R3HCC1L: variants seen among roughly 807,000 people sequenced by gnomAD.
The protein encoded by R3HCC1L is coiled-coil domain-containing protein R3HCC1L.
Under a neutral mutation model 59.9 loss-of-function variants are expected in R3HCC1L, and 51 were observed. That is an observed-to-expected ratio of 0.85 (90% CI 0.68 to 1.07). The LOEUF is 1.07. Among genes scored for constraint, R3HCC1L ranks in the 50% least tolerant of loss-of-function variants. The pLI, the probability that R3HCC1L is intolerant of heterozygous loss-of-function variation, is 0.00. For synonymous variants in R3HCC1L, 322 were observed against 315.2 expected (o/e 1.02, Z -0.23); for missense variants, 965 against 933.0 (o/e 1.03, Z -0.45).
At chr10:98,137,135 C>T (rs1363739642) in intron 1 of R3HCC1L, among the ~76,000 whole-genome samples, 1 of 151,578 alleles carries the variant, frequency 6.6e-6, no homozygotes, top group African/African-American at 2.4e-5. Flanking sequence ...CGCTTGAACT[C>T]GGGAGGCTGA....
At chr10:98,238,046 G>GT (rs1564743043) in intron 9 of R3HCC1L, among the ~76,000 whole-genome samples, 1 of 152,060 alleles carries the variant, frequency 6.6e-6, no homozygotes, top group African/African-American at 2.4e-5. Flanking sequence ...ATCCATGAAG[G>GT]ATACTTAGTC....
chr10:98,236,139 G>A lies in R3HCC1L; in HGVS notation c.2244G>A (p.Glu748=), dbSNP rs1590840236. 1 of 1,613,850 alleles carries A rather than the reference G, an allele frequency of 6.2e-7. No individual in the cohort carries two copies. The highest frequency in any genetic ancestry group is 8.5e-7 in the Non-Finnish European group (1 of 1,179,872). Residue 748 remains glutamate (E), a synonymous_variant, in exon 9 of 10, where the codon GAG becomes GAA. Transcript: ENST00000298999. ...AGAGCAAAACCGAACGAGAAGCAGA[G>A]CTCAAGAAACTGCAAGAAGCCAGAG... The part of the protein sequence containing the change: ...SKQSKTEREA[E]LKKLQEARER...
intron 5 of R3HCC1L, among the ~76,000 whole-genome samples, chr10:98,225,385 C>T (rs889449774): frequency 6.6e-6 from 1 of 152,204 alleles, no homozygotes; most frequent in South Asian, 2.1e-4. Flanking sequence ...TGCCACAAAT[C>T]CTCTCCTTCT....
intron 4 of R3HCC1L, among the ~76,000 whole-genome samples, chr10:98,202,826 A>G (rs1354317532): frequency 1.3e-5 from 2 of 151,788 alleles, no homozygotes; most frequent in Non-Finnish European, 2.9e-5. Flanking sequence ...ACTGCACTCC[A>G]GCCTGGGTGA....
chr10:98,210,165 G>A (rs1408942), intron 5 of R3HCC1L, among the ~76,000 whole-genome samples: 145,707 of 152,282 alleles, frequency 0.96, 70,015 homozygotes, highest in East Asian at 1. Flanking sequence ...TCAAGGAAAT[G>A]CAAAGGAAAA....
At position 98,231,565 on chromosome 10, in the gene R3HCC1L, C is replaced by T; in HGVS notation, c.1839C>T (p.Tyr613=). ...RESIQEPRSD[Y]YNHEVPDIDL... ...GCATCCAGGAACCTAGATCTGATTA[C>T]TACAATCATGAAGTTCCTGATATTG... Residue 613 remains tyrosine, a synonymous_variant, in exon 6 of 10, where the codon TAC becomes TAT. Coordinates refer to ENST00000298999, the MANE Select transcript of R3HCC1L (RefSeq NM_001351015.2). 1 of 1,613,144 alleles carries T rather than the reference C, an allele frequency of 6.2e-7. No homozygotes were observed. Among genetic ancestry groups the T allele is most frequent in the Non-Finnish European group, 8.5e-7 (1 of 1,179,348 alleles).
At position 98,231,555 on chromosome 10, in the gene R3HCC1L, G is replaced by C. The variant is rs761250681; in HGVS notation, c.1829G>C (p.Arg610Thr). 1.4e-5 allele frequency: 22 copies of C among 1,613,376 alleles called. No individual in the cohort carries two copies. Among genetic ancestry groups the C allele is most frequent in the Non-Finnish European group, 1.7e-5 (20 of 1,179,618 alleles). ...TKSRESIQEP[R>T]SDYYNHEVPD... The stretch of plus-strand genomic sequence containing the variant: ...AGCAGAGAGAGCATCCAGGAACCTA[G>C]ATCTGATTACTACAATCATGAAGTT... The change falls in exon 6 of 10, where the codon AGA becomes ACA. Residue 610 changes from arginine to threonine, a missense_variant. By Grantham distance (71) the Arg-to-Thr change is moderately conservative (BLOSUM62 -1). Coordinates refer to ENST00000298999, the MANE Select transcript of R3HCC1L (RefSeq NM_001351015.2).
At chr10:98,153,083 T>TA (rs1846430227) in intron 1 of R3HCC1L, among the ~76,000 whole-genome samples, 1 of 152,022 alleles carries the variant, frequency 6.6e-6, no homozygotes, top group Non-Finnish European at 1.5e-5. Context: ...GGAGCCCCTA[T>TA]ACCCGGCCAC....
chr10:98,239,473 G>C (rs1475718766), intron 9 of R3HCC1L, among the ~76,000 whole-genome samples: 1 of 152,042 alleles, frequency 6.6e-6, no homozygotes, highest in Non-Finnish European at 1.5e-5. Context: ...TCTAGCAACA[G>C]TGCCTGGTAC....
rs775931614 is a variant in R3HCC1L at position 98,208,443 on chromosome 10, C to A, written c.329C>A (p.Thr110Asn). The A allele has an allele frequency of 2.5e-6, 4 of 1,614,082 alleles. No homozygotes were observed. Among genetic ancestry groups the A allele is most frequent in the Non-Finnish European group, 3.4e-6 (4 of 1,180,002 alleles). The change falls in exon 5 of 10, where the codon ACC becomes AAC. Residue 110 changes from threonine (T) to asparagine (N), a missense_variant. By Grantham distance (65) the Thr-to-Asn change is moderately conservative. Transcript: ENST00000298999. The part of the protein sequence containing the change: ...KTNRVCSKRG[T>N]TESKEVLSQG... ...AATAGAGTTTGTTCTAAGAGAGGAA[C>A]CACTGAATCCAAAGAAGTATTATCC... is the stretch of plus-strand genomic sequence containing the variant.
At chr10:98,202,433 T>C (rs1484985890) in intron 4 of R3HCC1L, among the ~76,000 whole-genome samples, 2 of 152,158 alleles carry the variant, frequency 1.3e-5, no homozygotes, top group African/African-American at 2.4e-5. Context: ...GTGGAAATCA[T>C]GTGCCTCAAG....
chr10:98,158,598 A>G (rs542132761), intron 2 of R3HCC1L, among the ~76,000 whole-genome samples: 182 of 152,322 alleles, frequency 1.2e-3, no homozygotes, highest in African/African-American at 4.1e-3. Flanking sequence ...AAAAACAAGG[A>G]CATTCTTGTA....
chr10:98,243,949 G>A (rs1196698122), intron 9 of R3HCC1L, 142 bp from the exon 10 acceptor site: 1 of 616,878 alleles, frequency 1.6e-6, no homozygotes, highest in Non-Finnish European at 2.9e-6. Context: ...GGAAATTAAA[G>A]GAATTAACTC....
intron 8 of R3HCC1L, among the ~76,000 whole-genome samples, chr10:98,235,769 C>T (rs1480022602): frequency 1.3e-5 from 2 of 152,208 alleles, no homozygotes; most frequent in African/African-American, 4.8e-5. Flanking sequence ...GACATCCCTA[C>T]CTAGTTTACC....
At chr10:98,179,682 C>A (rs1393866547) in intron 4 of R3HCC1L, among the ~76,000 whole-genome samples, 4 of 152,036 alleles carry the variant, frequency 2.6e-5, no homozygotes, top group Non-Finnish European at 2.9e-5. Context: ...AGCTGTGAAT[C>A]CTTTTGGTCC....
chr10:98,184,722 C>G (rs1018276441), intron 4 of R3HCC1L, among the ~76,000 whole-genome samples: 9 of 152,168 alleles, frequency 5.9e-5, no homozygotes, highest in African/African-American at 1.9e-4. Context: ...TCCATTTTAG[C>G]TAGGTGTTTC....
rs971268391 is a variant in R3HCC1L, at chr10:98,153,014, C to T, written c.-267-3079C>T. Among the ~76,000 whole-genome samples the T allele has an allele frequency of 5.4e-5, 8 of 147,036 alleles. No homozygotes were observed. In the East Asian group the frequency reaches 1.2e-3, roughly 23 times the overall value. ...AGGTGGGGGCCCGCCTCCGCCCGGCCGCCGCCCCGTCCGGGAGGTGGGGGG... is the reference window on the plus strand; with the variant it reads ...AGGTGGGGGCCCGCCTCCGCCCGGCTGCCGCCCCGTCCGGGAGGTGGGGGG... On this transcript the variant is annotated intron_variant, in intron 1 of 9. Coordinates refer to ENST00000298999, the MANE Select transcript of R3HCC1L (RefSeq NM_001351015.2).
In R3HCC1L at chr10:98,187,099, G is replaced by A. The variant is rs555799200; in HGVS notation, c.-14-21002G>A. Among the ~76,000 whole-genome samples, 256 of 152,054 alleles carry A rather than the reference G, an allele frequency of 1.7e-3. 2 individuals are homozygous for A. The highest frequency in any genetic ancestry group is 0.013 in the South Asian group (63 of 4,792). Reference sequence around the variant, plus strand: ...CTTCATTCATTGACTTATTTGGTAGGGTACAAGTTTAAATTATATTGCCAT... The same window carrying A: ...CTTCATTCATTGACTTATTTGGTAGAGTACAAGTTTAAATTATATTGCCAT... On this transcript the variant is annotated intron_variant, in intron 4 of 9. Transcript: ENST00000298999.
intron 4 of R3HCC1L, among the ~76,000 whole-genome samples, chr10:98,192,122 G>C (rs1850927803): frequency 6.6e-6 from 1 of 152,060 alleles, no homozygotes; most frequent in Admixed American, 6.5e-5. Context: ...ACTGTACCCA[G>C]CCTGGACTTT....
Sources: allele counts gnomAD v4.1 joint callset (sites outside exome capture counted in the v4.1 genomes callset), GRCh38; gene constraint gnomAD v4.1.1; transcripts MANE v1.5; gene names NCBI Gene and HGNC (gene_info 2026-07-23, HGNC 2026-07-21).